Variants in PSD3 observed in about 807,000 individuals in gnomAD.
PSD3 encodes PH and SEC7 domain-containing protein 3.
PSD3 carries 49 observed loss-of-function variants against 105.5 expected under a neutral mutation model. The ratio of observed to expected loss-of-function variants is 0.46; its 90% CI spans 0.37 to 0.59. PSD3 has a LOEUF of 0.59. PSD3 is among the 20% of genes least tolerant of loss of function. The pLI is 0.00. For synonymous variants in PSD3, 557 were observed against 457.8 expected, an observed-to-expected ratio of 1.22 and a Z score of -2.77; for missense variants, 1,561 against 1,263.8, an observed-to-expected ratio of 1.24 and a Z score of -3.57.
chr8:18,963,146 G>A (rs775582957), intron 1 of PSD3, among the ~76,000 whole-genome samples: 12 of 152,108 alleles, frequency 7.9e-5, no homozygotes, highest in East Asian at 1.9e-4. Context: ...AAACCATCAG[G>A]TCTTGTGAGA....
chr8:18,895,910 T>C (rs531006399), intron 2 of PSD3, among the ~76,000 whole-genome samples: 1 of 152,376 alleles, frequency 6.6e-6, no homozygotes, highest in South Asian at 2.1e-4. Flanking sequence ...TCATCCTAGC[T>C]AGCTGTACCT....
chr8:18,892,297 C>T (rs952903822), intron 2 of PSD3, among the ~76,000 whole-genome samples: 1 of 151,540 alleles, frequency 6.6e-6, no homozygotes, highest in Non-Finnish European at 1.5e-5. Context: ...TATCTTGGCT[C>T]AATGCAAGCT....
intron 8 of PSD3, among the ~76,000 whole-genome samples, chr8:18,770,480 T>C (rs181007479): frequency 1.3e-5 from 2 of 152,350 alleles, no homozygotes; most frequent in East Asian, 1.9e-4. Context: ...GATATTTCCC[T>C]GACCCCTTCA....
At chr8:18,582,040 T>A (rs1430825295) in intron 12 of PSD3, among the ~76,000 whole-genome samples, 1 of 152,028 alleles carries the variant, frequency 6.6e-6, no homozygotes, top group Non-Finnish European at 1.5e-5. Context: ...AAGGACTTAC[T>A]TTACTTTAGA....
At position 18,638,175 on chromosome 8, in the gene PSD3, G is replaced by C. The variant is rs570410192; in HGVS notation, c.2217-5369C>G. On this transcript the variant is annotated intron_variant, in intron 10 of 15. Transcript: ENST00000327040. ...ATCTCAAAAAAAAAAAAAAAAAAAA[G>C]ATTCAGTACTGTTACAGCCCACAGC... 1.1e-4 allele frequency among the ~76,000 whole-genome samples: 15 copies of C among 135,840 alleles called. No homozygotes were observed. The East Asian group carries it at 2.2e-3, about 20-fold the overall frequency. The allele number at this position is 135,840 out of a possible 152,430, so 89.1% of individuals were successfully genotyped here. A position where few individuals can be genotyped will look rare whatever the true frequency, so the allele number is the denominator to read the frequency against.
chr8:18,949,256 T>A lies in PSD3; in HGVS notation c.22-13114A>T, dbSNP rs1446334307. ...AAAAAAAAAAAAAAATATATATATA[T>A]ATATATATATATATATATATATTTA... On this transcript the variant is annotated intron_variant, in intron 1 of 15. Coordinates refer to ENST00000327040, the MANE Select transcript of PSD3 (RefSeq NM_015310.4). Among the ~76,000 whole-genome samples, 254 of 83,406 alleles carry A rather than the reference T, an allele frequency of 3.0e-3. 3 individuals are homozygous for A. The highest frequency in any genetic ancestry group is 8.2e-3 in the African/African-American group (180 of 22,072). The allele number at this position is 83,406 out of a possible 152,430, so 54.7% of individuals were successfully genotyped here.
chr8:18,773,283 A>T (rs975330580), intron 8 of PSD3, among the ~76,000 whole-genome samples: 1 of 152,162 alleles, frequency 6.6e-6, no homozygotes, highest in Non-Finnish European at 1.5e-5. Context: ...CATTTCCCCA[A>T]TGAGTGGTCT....
intron 1 of PSD3, among the ~76,000 whole-genome samples, chr8:19,036,978 T>C (rs1488091880): frequency 6.6e-6 from 1 of 152,214 alleles, no homozygotes; most frequent in African/African-American, 2.4e-5. Flanking sequence ...CCGTGTCTTA[T>C]TGTCTTCAGC....
chr8:18,910,655 AAAAAG>A (rs1367091353), intron 2 of PSD3, among the ~76,000 whole-genome samples: 1 of 148,776 alleles, frequency 6.7e-6, no homozygotes, highest in Admixed American at 6.7e-5. Flanking sequence ...AAAAAAAAAA[AAAAAG>A]AAAAGTCTGA....
chr8:18,849,859 C>T (rs556734671), intron 4 of PSD3, among the ~76,000 whole-genome samples: 5 of 152,244 alleles, frequency 3.3e-5, no homozygotes, highest in Non-Finnish European at 4.4e-5. Context: ...TTGGTCCAAT[C>T]GATGAGTTCC....
intron 2 of PSD3, among the ~76,000 whole-genome samples, chr8:18,874,695 T>A (rs1586296218): frequency 9.8e-6 from 1 of 102,334 alleles, no homozygotes; most frequent in Non-Finnish European, 1.8e-5. Context: ...AGAGCAAGAC[T>A]CCATCTCAAA....
chr8:18,823,401 A>T (rs1439780105), intron 4 of PSD3, among the ~76,000 whole-genome samples: 1 of 152,188 alleles, frequency 6.6e-6, no homozygotes, highest in African/African-American at 2.4e-5. Flanking sequence ...TAGCCACTCA[A>T]AATAAGAACA....
chr8:18,858,372 G>C (rs968464837), intron 4 of PSD3, among the ~76,000 whole-genome samples: 1 of 152,158 alleles, frequency 6.6e-6, no homozygotes, highest in African/African-American at 2.4e-5. Flanking sequence ...CTGATGGAAG[G>C]ACTTGCCTCA....
At chr8:18,661,238 C>T (rs564340529) in intron 9 of PSD3, among the ~76,000 whole-genome samples, 4 of 152,302 alleles carry the variant, frequency 2.6e-5, no homozygotes, top group Admixed American at 2.6e-4. Flanking sequence ...CTTCCACTTT[C>T]AGTGAAACTG....
intron 9 of PSD3, among the ~76,000 whole-genome samples, chr8:18,698,154 A>G (rs10101124): frequency 0.14 from 21,552 of 152,150 alleles, 4,220 homozygotes; most frequent in African/African-American, 0.44. Context: ...GCTCAAGTGC[A>G]GTGGTGCGAT....
At chr8:18,735,775 A>G (rs1024996852) in intron 9 of PSD3, among the ~76,000 whole-genome samples, 5 of 152,194 alleles carry the variant, frequency 3.3e-5, no homozygotes, top group African/African-American at 1.2e-4. Context: ...TTGGATACCA[A>G]CAACAGTTCT....
Position 18,587,580 on chromosome 8 carries a change from C to A in PSD3, c.2482-12295G>T, listed in dbSNP as rs2634450. Among the ~76,000 whole-genome samples the A allele has an allele frequency of 2.6e-5, 4 of 152,136 alleles. No individual in the cohort carries two copies. In the East Asian group the frequency reaches 7.7e-4, roughly 29 times the overall value. On this transcript the variant is annotated intron_variant, in intron 12 of 15. Transcript: ENST00000327040. ...TGCTTTTTCTCGCCTGCCTGCCTGG[C>A]AAACTCCTGCTTATCTTTCAGGCAT... is the stretch of plus-strand genomic sequence containing the variant.
At position 18,632,741 on chromosome 8, in the gene PSD3, G is replaced by A; in HGVS notation, c.2282C>T (p.Pro761Leu). Residue 761 changes from proline to leucine, a missense_variant, in exon 11 of 16, where the codon CCA (proline) becomes CTA (leucine). Coordinates refer to ENST00000327040, the MANE Select transcript of PSD3 (RefSeq NM_015310.4). ...STEEKANGTH[P>L]KTISRIGSTT... ...ACTTCCAATACGACTGATGGTCTTT[G>A]GATGTGTTCCGTTAGCTTTCTCCTC... is the stretch of plus-strand genomic sequence containing the variant. 6.2e-7 allele frequency: 1 copy of A among 1,607,434 alleles called. No individual in the cohort carries two copies. The highest frequency in any genetic ancestry group is 8.5e-7 in the Non-Finnish European group (1 of 1,174,454).
chr8:19,059,660 C>T (rs778466559), intron 1 of PSD3, among the ~76,000 whole-genome samples: 6 of 152,232 alleles, frequency 3.9e-5, no homozygotes, highest in South Asian at 2.1e-4. Flanking sequence ...AAAATTTCTA[C>T]GTCTGTAAAG....
Sources: allele counts gnomAD v4.1 joint callset (sites outside exome capture counted in the v4.1 genomes callset), GRCh38; gene constraint gnomAD v4.1.1; transcripts MANE v1.5; gene names NCBI Gene and HGNC (gene_info 2026-07-23, HGNC 2026-07-21).